The following ADAMTSL1 variants were observed in gnomAD, a reference collection of about 807,000 sequenced individuals.
ADAMTSL1 encodes the protein ADAMTS-like protein 1.
In ADAMTSL1, 126 loss-of-function variants were observed where a neutral mutation model predicts 201.8. That is an observed-to-expected ratio of 0.62 (90% CI 0.54 to 0.72). The LOEUF is 0.72. Ranked by LOEUF, ADAMTSL1 falls within the 30% of genes least tolerant of loss-of-function variation. The pLI, the probability that ADAMTSL1 is intolerant of heterozygous loss-of-function variation, is 0.00. For missense variants in ADAMTSL1, 2,679 were observed against 2,277.8 expected, an observed-to-expected ratio of 1.18 and a Z score of -3.59; for synonymous variants, 1,121 against 903.4, an observed-to-expected ratio of 1.24 and a Z score of -4.32.
At chr9:18,200,026 C>G (rs895755559) in intron 2 of ADAMTSL1, among the ~76,000 whole-genome samples, 4 of 151,900 alleles carry the variant, frequency 2.6e-5, no homozygotes, top group Non-Finnish European at 4.4e-5. Flanking sequence ...AATGATGGCT[C>G]TTAGCTAAAC....
At chr9:17,908,314 C>T (rs1401307577) in intron 1 of ADAMTSL1, among the ~76,000 whole-genome samples, 1 of 152,178 alleles carries the variant, frequency 6.6e-6, no homozygotes, top group Non-Finnish European at 1.5e-5. Context: ...AAATTTCCTG[C>T]GTTAGGGCCA....
chr9:18,276,136 A>AT (rs34966485), intron 2 of ADAMTSL1, among the ~76,000 whole-genome samples: 7,459 of 151,558 alleles, frequency 0.049, 260 homozygotes, highest in Non-Finnish European at 0.075. Context: ...CCATTTGTAT[A>AT]TTTTTTTTAA....
chr9:18,121,219 A>C (rs1415403479), intron 1 of ADAMTSL1, among the ~76,000 whole-genome samples: 1 of 152,214 alleles, frequency 6.6e-6, no homozygotes, highest in African/African-American at 2.4e-5. Context: ...ACCTAAAACA[A>C]ATACAGACAG....
At chr9:18,607,295 C>CT (rs1228984674) in intron 4 of ADAMTSL1, among the ~76,000 whole-genome samples, 1 of 152,136 alleles carries the variant, frequency 6.6e-6, no homozygotes, top group Non-Finnish European at 1.5e-5. Flanking sequence ...AGCCCGAAGT[C>CT]TAGGTCAACA....
At chr9:18,750,131 T>C (rs1290963023) in intron 15 of ADAMTSL1, among the ~76,000 whole-genome samples, 1 of 152,200 alleles carries the variant, frequency 6.6e-6, no homozygotes, top group Non-Finnish European at 1.5e-5. Context: ...AGTATTTCCC[T>C]TGAGTGGAAA....
In ADAMTSL1 at chr9:18,005,824, T is replaced by C. The variant is rs562470169; in HGVS notation, c.87+98902T>C. On this transcript the variant is annotated intron_variant, in intron 1 of 29. Transcript: ENST00000680146. The stretch of plus-strand genomic sequence containing the variant: ...TACTAAATCCAGTTCAAACATGGCC[T>C]CTTCTCTGCCTCTCTTCACTGCCCT... 2.0e-5 allele frequency among the ~76,000 whole-genome samples: 3 copies of C among 152,046 alleles called. No homozygotes were observed. In the South Asian group the frequency reaches 6.2e-4, roughly 31 times the overall value.
At chr9:18,176,318 C>G (rs537297103) in intron 2 of ADAMTSL1, among the ~76,000 whole-genome samples, 114 of 152,100 alleles carry the variant, frequency 7.5e-4, no homozygotes, top group African/African-American at 2.7e-3. Flanking sequence ...AAAATAGTAA[C>G]AACAATAGTA....
chr9:18,238,159 G>A (rs7038948), intron 2 of ADAMTSL1, among the ~76,000 whole-genome samples: 95,491 of 152,098 alleles, frequency 0.63, 30,343 homozygotes, highest in East Asian at 0.7. Flanking sequence ...AACTGCCATT[G>A]TGTTTTTTTA....
At chr9:18,155,562 AT>A (rs1186415601) in intron 1 of ADAMTSL1, among the ~76,000 whole-genome samples, 19 of 152,008 alleles carry the variant, frequency 1.2e-4, no homozygotes, top group African/African-American at 3.6e-4. Context: ...ATATTATGTC[AT>A]TTTTTTATAT....
At chr9:18,173,353 C>T (rs1827991263) in intron 2 of ADAMTSL1, among the ~76,000 whole-genome samples, 1 of 152,180 alleles carries the variant, frequency 6.6e-6, no homozygotes, top group South Asian at 2.1e-4. Context: ...GACAGCAGAA[C>T]CCAACATCAT....
chr9:18,283,015 C>G (rs1832852287), intron 2 of ADAMTSL1, among the ~76,000 whole-genome samples: 1 of 152,168 alleles, frequency 6.6e-6, no homozygotes, highest in Non-Finnish European at 1.5e-5. Context: ...GAATTTTTGT[C>G]TACCTTTTCT....
intron 12 of ADAMTSL1, 145 bp from the exon 13 acceptor site, chr9:18,684,571 C>G (rs558993126): frequency 5.1e-4 from 404 of 789,776 alleles, no homozygotes; most frequent in Non-Finnish European, 6.2e-4. Context: ...CTAGATATAA[C>G]CATCATCAGA....
chr9:18,180,737 T>A (rs547176272), intron 2 of ADAMTSL1, among the ~76,000 whole-genome samples: 4 of 151,992 alleles, frequency 2.6e-5, no homozygotes, highest in Non-Finnish European at 5.9e-5. Context: ...TTCAATGCCA[T>A]CCCCATCAAG....
chr9:18,609,417 CAGGGT>C (rs1825239059), intron 4 of ADAMTSL1, among the ~76,000 whole-genome samples: 2 of 116,750 alleles, frequency 1.7e-5, no homozygotes, highest in African/African-American at 6.6e-5. Flanking sequence ...GCTACTTTAG[CAGGGT>C]AGAGGGAAGT....
chr9:18,552,269 TAA>T (rs927717039), intron 3 of ADAMTSL1, among the ~76,000 whole-genome samples: 1 of 151,452 alleles, frequency 6.6e-6, no homozygotes, highest in African/African-American at 2.4e-5. Flanking sequence ...CGCAGTGTGA[TAA>T]AAAAAAATTT....
chr9:18,854,684 AAGAG>A (rs1232739415), intron 23 of ADAMTSL1, among the ~76,000 whole-genome samples: 1 of 152,176 alleles, frequency 6.6e-6, no homozygotes, highest in South Asian at 2.1e-4. Context: ...AAACGAAAGA[AAGAG>A]AGTGAATAGC....
rs1193419176 is a variant in ADAMTSL1, at chr9:17,927,755, A to G, written c.87+20833A>G. ...CAGAGGATATGTGTAAATTATGCCA[A>G]TATTACACAATATAAGGGACTTGAG... is the stretch of plus-strand genomic sequence containing the variant. On this transcript the variant is annotated intron_variant, in intron 1 of 29. Transcript: ENST00000680146. 1.3e-5 allele frequency among the ~76,000 whole-genome samples: 2 copies of G among 152,198 alleles called. 1 individual carries two copies. Among genetic ancestry groups the G allele is most frequent in the South Asian group, 4.1e-4 (2 of 4,826 alleles).
intron 1 of ADAMTSL1, among the ~76,000 whole-genome samples, chr9:18,015,144 G>C (rs1820205002): frequency 6.6e-6 from 1 of 152,038 alleles, no homozygotes; most frequent in African/African-American, 2.4e-5. Flanking sequence ...ATCTAGGGAA[G>C]TGAGACTGGG....
chr9:18,765,944 G>A (rs1197356682), intron 16 of ADAMTSL1, among the ~76,000 whole-genome samples: 1 of 152,176 alleles, frequency 6.6e-6, no homozygotes, highest in Non-Finnish European at 1.5e-5. Flanking sequence ...GATTATTCAA[G>A]AGACTCAGCC....
Sources: gnomAD v4.1 joint callset for allele counts (sites outside exome capture counted in the v4.1 genomes callset) on GRCh38, gnomAD v4.1.1 for gene constraint, MANE v1.5 for transcripts, NCBI Gene and HGNC (gene_info 2026-07-23, HGNC 2026-07-21) for gene names.